The following UGT2B10 variants were observed in gnomAD, a reference collection of about 807,000 sequenced individuals.
UGT2B10 encodes UDP-glucuronosyltransferase 2B10.
A neutral mutation model predicts 43.7 loss-of-function variants in UGT2B10; 51 were observed. The ratio of observed to expected loss-of-function variants is 1.17; its 90% CI spans 0.93 to 1.47. The LOEUF is 1.47. Ranked by LOEUF, UGT2B10 falls within the 40% of genes most tolerant of loss-of-function variation. UGT2B10 has a pLI of 0.00. For synonymous variants in UGT2B10, 225 were observed against 209.0 expected, an observed-to-expected ratio of 1.08 and a Z score of -0.66; for missense variants, 696 against 617.7, an observed-to-expected ratio of 1.13 and a Z score of -1.34.
At chr4:68,817,867 C>G (rs551583137) in intron 1 of UGT2B10, among the ~76,000 whole-genome samples, 162 bp from the exon 2 acceptor site, 1 of 151,832 alleles carries the variant, frequency 6.6e-6, no homozygotes, top group Admixed American at 6.6e-5. Flanking sequence ...ATATAGAATA[C>G]ATAAAAAATA....
At chr4:68,826,564 C>T (rs112569892) in intron 4 of UGT2B10, 67 bp downstream of exon 4, 52,807 of 1,500,766 alleles carry the variant, frequency 0.035, 2,145 homozygotes, top group African/African-American at 0.18. Flanking sequence ...TAGTTCATCT[C>T]GAAGCATGCT....
Position 68,830,625 on chromosome 4 carries a change from T to G in UGT2B10, c.1333T>G (p.Ser445Ala). The change falls in exon 6 of 6, where the codon TCA becomes GCA. Residue 445 changes from serine (S) to alanine (A), a missense_variant. Transcript: ENST00000265403. ...ATATAAAGAGAATATTATGAAATTATCAAGAATTCAACATGATCAACCAGT... is the reference window on the plus strand; with the variant it reads ...ATATAAAGAGAATATTATGAAATTAGCAAGAATTCAACATGATCAACCAGT... Reference protein sequence around the residue: ...PSYKENIMKLSRIQHDQPVKP... With the variant: ...PSYKENIMKLARIQHDQPVKP... 1 of 1,612,616 alleles carries G rather than the reference T, an allele frequency of 6.2e-7. No homozygotes were observed. The highest frequency in any genetic ancestry group is 1.7e-4 in the Middle Eastern group (1 of 6,024).
At chr4:68,830,469 A>G (rs769159529) in intron 5 of UGT2B10, 131 bp from the exon 6 acceptor site, 36 of 1,167,806 alleles carry the variant, frequency 3.1e-5, no homozygotes, top group Non-Finnish European at 3.6e-5. Flanking sequence ...AAATTAAAAT[A>G]CATAAATTCT....
chr4:68,828,287 T>C (rs1274841229), intron 5 of UGT2B10, among the ~76,000 whole-genome samples: 1 of 151,832 alleles, frequency 6.6e-6, no homozygotes, highest in African/African-American at 2.4e-5. Flanking sequence ...TTTAGTTTAA[T>C]TCATGTCGTT....
intron 2 of UGT2B10, among the ~76,000 whole-genome samples, chr4:68,818,596 A>C (rs1244446291): frequency 7.5e-6 from 1 of 132,602 alleles, no homozygotes. Context: ...AGTAATGAAT[A>C]TTATATAAAA....
chr4:68,817,938 T>C, intron 1 of UGT2B10, 91 bp from the exon 2 acceptor site: 1 of 1,467,588 alleles, frequency 6.8e-7, no homozygotes, highest in Non-Finnish European at 9.1e-7. Flanking sequence ...TTTACCAACA[T>C]TTTTGCCTGC....
chr4:68,831,126 A>G lies in UGT2B10; in HGVS notation c.*247A>G, dbSNP rs1312801112. On this transcript the variant is annotated 3_prime_UTR_variant, in exon 6 of 6. Transcript: ENST00000265403. ...ATAATATAAAGCCATATGAGCTTGT[A>G]TTGAAATTTGTTGCACTTATATTGA... 5 of 489,362 alleles carry G rather than the reference A, an allele frequency of 1.0e-5. No individual in the cohort carries two copies. Among genetic ancestry groups the G allele is most frequent in the Non-Finnish European group, 1.7e-5 (5 of 288,780 alleles). 30.3% of individuals were successfully genotyped at this position (489,362 alleles called of 1,614,324 possible).
At chr4:68,827,986 T>C (rs1325632566) in intron 5 of UGT2B10, among the ~76,000 whole-genome samples, 3 of 151,928 alleles carry the variant, frequency 2.0e-5, no homozygotes, top group Non-Finnish European at 4.4e-5. Context: ...TGAGATTTAA[T>C]TTTGATAGCA....
intron 3 of UGT2B10, among the ~76,000 whole-genome samples, chr4:68,823,515 T>G (rs2109694407): frequency 6.6e-6 from 1 of 152,112 alleles, no homozygotes; most frequent in African/African-American, 2.4e-5. Context: ...TCAAAAAAAG[T>G]AAACTAGTAA....
intron 2 of UGT2B10, among the ~76,000 whole-genome samples, chr4:68,821,786 A>G (rs1474617063): frequency 6.6e-6 from 1 of 152,180 alleles, no homozygotes; most frequent in Non-Finnish European, 1.5e-5. Context: ...GCTTTTCCTC[A>G]GTACTCATAG....
intron 5 of UGT2B10, among the ~76,000 whole-genome samples, chr4:68,828,273 G>C (rs1356724524): frequency 6.6e-6 from 1 of 151,028 alleles, no homozygotes; most frequent in East Asian, 2.0e-4. Context: ...TTTTTTTTAT[G>C]GTTTTTAGTT....
Position 68,824,440 on chromosome 4 carries a change from T to C in UGT2B10, c.1000-1970T>C, listed in dbSNP as rs1254742309. Among the ~76,000 whole-genome samples the C allele has an allele frequency of 2.0e-5, 3 of 152,178 alleles. No individual in the cohort carries two copies. The East Asian group carries it at 5.8e-4, about 29-fold the overall frequency. ...CCAATGGACGCAGCAGAAGGAAATA[T>C]AGGAAGGAGACAAACAGAAGGAAGC... On this transcript the variant is annotated intron_variant, in intron 3 of 5. Transcript: ENST00000265403.
intron 1 of UGT2B10, among the ~76,000 whole-genome samples, 174 bp downstream of exon 1, chr4:68,816,911 A>C (rs2926036): frequency 6.6e-6 from 1 of 151,598 alleles, no homozygotes; most frequent in Non-Finnish European, 1.5e-5. Context: ...CTTAAATTAT[A>C]GGGTCAGTGA....
At chr4:68,827,010 G>A (rs1321006439) in intron 4 of UGT2B10, among the ~76,000 whole-genome samples, 4 of 151,946 alleles carry the variant, frequency 2.6e-5, no homozygotes, top group African/African-American at 9.7e-5. Context: ...CACACTCTGT[G>A]ACTGTACTTA....
rs1737533453 is a variant in UGT2B10 at position 68,822,161 on chromosome 4, T to G, written c.868-110T>G. 3 of 1,477,752 alleles carry G rather than the reference T, an allele frequency of 2.0e-6. No individual in the cohort carries two copies. In the South Asian group the frequency reaches 3.9e-5, roughly 19 times the overall value. 91.5% of individuals were successfully genotyped at this position (1,477,752 alleles called of 1,614,324 possible). ...TAAAAAATATTATTTACTCCAATAATTCCTCAAAATACTTGATTTTCTCTC... is the reference window on the plus strand; with the variant it reads ...TAAAAAATATTATTTACTCCAATAAGTCCTCAAAATACTTGATTTTCTCTC... On this transcript the variant is annotated intron_variant, in intron 2 of 5. Transcript: ENST00000265403.
chr4:68,827,556 G>A lies in UGT2B10; in HGVS notation c.1307+8G>A, dbSNP rs550327932. 277 of 1,612,884 alleles carry A rather than the reference G, an allele frequency of 1.7e-4. No homozygotes were observed. The highest frequency in any genetic ancestry group is 2.3e-4 in the African/African-American group (17 of 74,956). ...AGTAATTAATGATCCTTCGTGAGTA[G>A]AACAATATTTTTCACTAGATGGTAT... On this transcript the variant is annotated splice_region_variant and intron_variant, in intron 5 of 5. Coordinates refer to ENST00000265403, the MANE Select transcript of UGT2B10 (RefSeq NM_001075.6).
At chr4:68,821,383 C>T (rs1737486741) in intron 2 of UGT2B10, among the ~76,000 whole-genome samples, 1 of 152,082 alleles carries the variant, frequency 6.6e-6, no homozygotes, top group Non-Finnish European at 1.5e-5. Context: ...GGCCTGGTGG[C>T]CTCTCCTATT....
chr4:68,816,684 G>A lies in UGT2B10; in HGVS notation c.665G>A (p.Trp222Ter), dbSNP rs779971456. Reference sequence around the variant, plus strand: ...CTCTATGTGCTTTATTTTGACTTTTGGTTCCAAATATTTAATATGAAGAAG... The same window carrying A: ...CTCTATGTGCTTTATTTTGACTTTTAGTTCCAAATATTTAATATGAAGAAG... ...NMLYVLYFDFWFQIFNMKKWD... is the reference protein window; with the variant it reads ...NMLYVLYFDF Residue 222 changes from tryptophan to a stop codon, truncating the protein, a stop_gained, in exon 1 of 6, where the codon TGG becomes TAG. Transcript: ENST00000265403. LOFTEE classifies it high-confidence loss of function. The A allele has an allele frequency of 6.2e-7, 1 of 1,611,256 alleles. No individual in the cohort carries two copies. The highest frequency in any genetic ancestry group is 1.7e-5 in the Admixed American group (1 of 59,634).
chr4:68,822,251 A>AT lies in UGT2B10; in HGVS notation c.868-14dup, dbSNP rs587644051. 8.0e-5 allele frequency: 129 copies of AT among 1,608,392 alleles called. 2 individuals carry two copies. In the African/African-American group the frequency reaches 1.6e-3, roughly 19 times the overall value. On this transcript the variant is annotated intron_variant, in intron 2 of 5. Transcript: ENST00000265403. ...TGGTGATACTCTTTTATGATGAAAC[A>AT]TTTTTTCTTTTTCCCACAGGAAATG...
Sources: allele counts gnomAD v4.1 joint callset (sites outside exome capture counted in the v4.1 genomes callset), GRCh38; gene constraint gnomAD v4.1.1; transcripts MANE v1.5; gene names NCBI Gene and HGNC (gene_info 2026-07-23, HGNC 2026-07-21).